DDAH1: variants seen among roughly 807,000 people sequenced by gnomAD.
DDAH1 encodes the protein N(G),N(G)-dimethylarginine dimethylaminohydrolase 1.
A neutral mutation model predicts 28.8 loss-of-function variants in DDAH1; 19 were observed. That is an observed-to-expected ratio of 0.66 (90% CI 0.46 to 0.97). The LOEUF (loss-of-function observed/expected upper bound fraction) is 0.97. Ranked by LOEUF, DDAH1 falls within the 50% of genes least tolerant of loss-of-function variation. The pLI is 0.00. For synonymous variants in DDAH1, 153 were observed against 154.4 expected (o/e 0.99, Z 0.07); for missense variants, 326 against 375.9 (o/e 0.87, Z 1.10).
At chr1:85,560,175 G>C (rs1393399071) in intron 1 of DDAH1, among the ~76,000 whole-genome samples, 1 of 152,076 alleles carries the variant, frequency 6.6e-6, no homozygotes. Context: ...CATGCTAAAA[G>C]AGGCAGGGGA....
intron 1 of DDAH1, among the ~76,000 whole-genome samples, chr1:85,560,575 G>T (rs1659108944): frequency 6.6e-6 from 1 of 151,988 alleles, no homozygotes; most frequent in African/African-American, 2.4e-5. Flanking sequence ...CATTATATAT[G>T]AAGTAGTCTA....
At chr1:85,573,932 T>C (rs1344790442) in intron 1 of DDAH1, among the ~76,000 whole-genome samples, 1 of 152,208 alleles carries the variant, frequency 6.6e-6, no homozygotes, top group Non-Finnish European at 1.5e-5. Flanking sequence ...GCAAGACAGA[T>C]TCTTAGAGAT....
At chr1:85,401,746 A>G (rs935751309) in intron 1 of DDAH1, among the ~76,000 whole-genome samples, 5 of 151,606 alleles carry the variant, frequency 3.3e-5, no homozygotes, top group African/African-American at 1.2e-4. Flanking sequence ...CAAGTGATCC[A>G]CCCACCTCGG....
chr1:85,379,794 A>G (rs1650879917), intron 1 of DDAH1: 1 of 745,882 alleles, frequency 1.3e-6, no homozygotes, highest in East Asian at 1.3e-4. Context: ...CAACCTTGGA[A>G]TCTTAGGTCA....
intron 1 of DDAH1, among the ~76,000 whole-genome samples, chr1:85,406,986 A>T (rs1652434885): frequency 6.6e-6 from 1 of 152,142 alleles, no homozygotes; most frequent in Non-Finnish European, 1.5e-5. Flanking sequence ...TATAAGAAGA[A>T]AAACACATTA....
chr1:85,451,835 G>C (rs918096647), intron 1 of DDAH1, among the ~76,000 whole-genome samples: 3 of 152,140 alleles, frequency 2.0e-5, no homozygotes. Flanking sequence ...GGAATCAATA[G>C]AACAGAAAAT....
intron 1 of DDAH1, among the ~76,000 whole-genome samples, chr1:85,522,905 T>C (rs1180605536): frequency 6.6e-6 from 1 of 150,430 alleles, no homozygotes; most frequent in Non-Finnish European, 1.5e-5. Flanking sequence ...TCAGCAAACA[T>C]TATGAGACAC....
intron 1 of DDAH1, among the ~76,000 whole-genome samples, chr1:85,462,905 C>T (rs12033315): frequency 0.017 from 2,546 of 152,356 alleles, 64 homozygotes; most frequent in East Asian, 0.11. Flanking sequence ...CGGAGTAAAT[C>T]TTCCCTGATC....
intron 4 of DDAH1, among the ~76,000 whole-genome samples, chr1:85,331,008 T>C (rs1647726795): frequency 6.6e-6 from 1 of 152,196 alleles, no homozygotes; most frequent in African/African-American, 2.4e-5. Flanking sequence ...CTGAGAATCA[T>C]TGTGGCCACA....
At chr1:85,528,778 A>G (rs1657977338) in intron 1 of DDAH1, among the ~76,000 whole-genome samples, 1 of 152,210 alleles carries the variant, frequency 6.6e-6, no homozygotes, top group South Asian at 2.1e-4. Context: ...GTTTGAGACT[A>G]GCCTGACCAA....
chr1:85,425,324 T>A (rs1292040783), intron 1 of DDAH1, among the ~76,000 whole-genome samples: 3 of 151,864 alleles, frequency 2.0e-5, no homozygotes, highest in Non-Finnish European at 4.4e-5. Flanking sequence ...CTTCAAATAT[T>A]TTTTTTTATT....
chr1:85,400,177 CTTTTT>C lies in DDAH1; in HGVS notation c.304-41335_304-41331del, dbSNP rs61677601. The stretch of plus-strand genomic sequence containing the variant: ...TGCAGGAATTCCTTTCTTTTCTTTT[CTTTTT>C]TTTTTTTTTTTTTTTTTTTTTTTTT... On this transcript the variant is annotated intron_variant, in intron 1 of 5. Coordinates refer to ENST00000284031, the MANE Select transcript of DDAH1 (RefSeq NM_012137.4). Among the ~76,000 whole-genome samples, 470 of 54,922 alleles carry C rather than the reference CTTTTT, an allele frequency of 8.6e-3. 18 individuals are homozygous for C. The East Asian group carries it at 0.14, about 16-fold the overall frequency. 36.0% of individuals were successfully genotyped at this position (54,922 alleles called of 152,430 possible). A position where few individuals can be genotyped will look rare whatever the true frequency, so the allele number is the denominator to read the frequency against.
intron 1 of DDAH1, among the ~76,000 whole-genome samples, chr1:85,411,112 C>T (rs910193192): frequency 2.0e-5 from 3 of 152,204 alleles, no homozygotes; most frequent in African/African-American, 7.2e-5. Flanking sequence ...GACCAGCTAT[C>T]TTAGTCTAGC....
At chr1:85,374,562 T>C (rs1330325162) in intron 1 of DDAH1, among the ~76,000 whole-genome samples, 3 of 152,072 alleles carry the variant, frequency 2.0e-5, no homozygotes, top group Non-Finnish European at 4.4e-5. Flanking sequence ...AAATTTAATG[T>C]AGAGAAATTA....
chr1:85,359,870 A>G (rs540726652), intron 1 of DDAH1, among the ~76,000 whole-genome samples: 1 of 152,366 alleles, frequency 6.6e-6, no homozygotes, highest in South Asian at 2.1e-4. Context: ...TTACTTTAAT[A>G]TAAGAAATGA....
chr1:85,491,623 G>A (rs1273402677), intron 2 of DDAH1, among the ~76,000 whole-genome samples: 1 of 152,186 alleles, frequency 6.6e-6, no homozygotes, highest in Non-Finnish European at 1.5e-5. Flanking sequence ...CACATTCTGT[G>A]TTTGGGTGAC....
intron 1 of DDAH1, among the ~76,000 whole-genome samples, chr1:85,497,549 T>C (rs1294732385): frequency 6.6e-6 from 1 of 152,208 alleles, no homozygotes; most frequent in Non-Finnish European, 1.5e-5. Flanking sequence ...AATTTTTAGA[T>C]AATCTTTCTG....
Position 85,358,745 on chromosome 1 carries a change from T to C in DDAH1, c.403+3A>G, listed in dbSNP as rs1649624504. 6.4e-7 allele frequency: 1 copy of C among 1,573,284 alleles called. No homozygotes were observed. On this transcript the variant is annotated splice_donor_region_variant and intron_variant, in intron 2 of 5. Transcript: ENST00000284031. ...TGGATAGAAAAAATAAATACAACTA[T>C]ACCTGTGAATAAAACATCTCCGCCA...
At chr1:85,566,910 G>A (rs891144681) in intron 1 of DDAH1, among the ~76,000 whole-genome samples, 1 of 152,178 alleles carries the variant, frequency 6.6e-6, no homozygotes, top group Non-Finnish European at 1.5e-5. Context: ...GGAGACCTAG[G>A]GGAGCTGATG....
Sources: gnomAD v4.1 joint callset for allele counts (sites outside exome capture counted in the v4.1 genomes callset) on GRCh38, gnomAD v4.1.1 for gene constraint, MANE v1.5 for transcripts, NCBI Gene and HGNC (gene_info 2026-07-23, HGNC 2026-07-21) for gene names.